DOK3: variants seen among roughly 807,000 people sequenced by gnomAD.
DOK3 encodes the protein Dok-like protein.
DOK3 carries 23 observed loss-of-function variants against 26.2 expected under a neutral mutation model. The ratio of observed to expected loss-of-function variants is 0.88; its 90% confidence interval spans 0.63 to 1.24. The LOEUF (loss-of-function observed/expected upper bound fraction) is 1.24. Among genes scored for constraint, DOK3 ranks in the 50% most tolerant of loss-of-function variants. The pLI is 0.00. For missense variants in DOK3, 619 were observed against 610.6 expected (o/e 1.01, Z -0.15); for synonymous variants, 268 against 268.2 (o/e 1.00, Z 0.01).
chr5:177,508,576 G>A, intron 2 of DOK3, 34 bp from the exon 3 acceptor site: 1 of 1,482,476 alleles, frequency 6.7e-7, no homozygotes, highest in Non-Finnish European at 9.1e-7. Flanking sequence ...GAAGACCCTT[G>A]GGTGGCAGAT....
At position 177,502,980 on chromosome 5, in the gene DOK3, G is replaced by A; in HGVS notation, c.*1003C>T. 3 of 1,362,520 alleles carry A rather than the reference G, an allele frequency of 2.2e-6. No individual in the cohort carries two copies. The highest frequency in any genetic ancestry group is 2.4e-5 in the Admixed American group (1 of 41,562). 84.4% of individuals were successfully genotyped at this position (1,362,520 alleles called of 1,614,324 possible). A position where few individuals can be genotyped will look rare whatever the true frequency, so the allele number is the denominator to read the frequency against. On this transcript the variant is annotated 3_prime_UTR_variant, in exon 6 of 6. Transcript: ENST00000510898. ...AAAGGAAGTGAGCTGGAAGGAGGTG[G>A]CGGCCAGAGGATGAGGCTTGGACAG... is the stretch of plus-strand genomic sequence containing the variant.
rs749953782 is a variant in DOK3, at chr5:177,504,211, G to A, written c.1095C>T (p.Pro365=). 17 of 1,612,516 alleles carry A rather than the reference G, an allele frequency of 1.1e-5. No individual in the cohort carries two copies. The highest frequency in any genetic ancestry group is 4.0e-5 in the African/African-American group (3 of 74,916). The change falls in exon 6 of 6, where the codon CCC becomes CCT. Residue 365 remains proline (P), a synonymous_variant. Transcript: ENST00000510898. ...GACTGGTTGTGGGGCTGCGGCTGCCGGGGCCCTCGTGCGGCTCAGGTTCCC... is the reference window on the plus strand; with the variant it reads ...GACTGGTTGTGGGGCTGCGGCTGCCAGGGCCCTCGTGCGGCTCAGGTTCCC... The part of the protein sequence containing the change: ...HGGEPEPHEG[P]GSRSPTTSPI...
intron 2 of DOK3, 110 bp from the exon 3 acceptor site, chr5:177,508,652 C>T (rs1325916439): frequency 4.8e-6 from 6 of 1,262,780 alleles, no homozygotes; most frequent in African/African-American, 1.5e-5. Context: ...CGGGCCTCTG[C>T]TCCCCAGTTT....
upstream of DOK3, chr5:177,510,181 G>A: frequency 2.1e-6 from 1 of 481,384 alleles, no homozygotes; most frequent in South Asian, 2.7e-5. Context: ...TGCAGCCCAG[G>A]CTCCTCAGCC....
rs891755755 is a variant in DOK3, at chr5:177,502,268, A to G, written c.*1715T>C. ...GGAGAATGGGGGTGAGAAAGTGGAA[A>G]TGAAAGTAATCAACAACTCTTTTGA... On this transcript the variant is annotated 3_prime_UTR_variant, in exon 6 of 6. Coordinates refer to ENST00000510898, the MANE Select transcript of DOK3 (RefSeq NM_001308236.3). The G allele has an allele frequency of 6.6e-6, 1 of 152,298 alleles. No homozygotes were observed. The highest frequency in any genetic ancestry group is 6.5e-5 in the Admixed American group (1 of 15,280). The allele number at this position is 152,298 out of a possible 1,614,324, so 9.4% of individuals were successfully genotyped here. A position where few individuals can be genotyped will look rare whatever the true frequency, so the allele number is the denominator to read the frequency against.
At chr5:177,505,392 G>C (rs1413623455) in intron 3 of DOK3, among the ~76,000 whole-genome samples, 1 of 152,126 alleles carries the variant, frequency 6.6e-6, no homozygotes, top group Non-Finnish European at 1.5e-5. Flanking sequence ...GCAGCCCCTG[G>C]GCTTGGCTGG....
At chr5:177,508,644 G>T in intron 2 of DOK3, 102 bp from the exon 3 acceptor site, 1 of 1,304,974 alleles carries the variant, frequency 7.7e-7, no homozygotes. Context: ...GCCAGGAGCG[G>T]GCCTCTGCTC....
upstream of DOK3, chr5:177,510,030 C>A: frequency 2.5e-6 from 2 of 799,072 alleles, no homozygotes; most frequent in Admixed American, 4.7e-5. Flanking sequence ...AAATCTCTCT[C>A]GTGTTCACCT....
At chr5:177,510,291 T>G, upstream of DOK3, 11 of 215,802 alleles carry the variant, frequency 5.1e-5, no homozygotes, top group East Asian at 2.4e-4. Flanking sequence ...TGGCCACCTC[T>G]TCCTCCTGGA....
chr5:177,505,952 A>G (rs1254519012), intron 3 of DOK3, among the ~76,000 whole-genome samples: 2 of 150,150 alleles, frequency 1.3e-5, no homozygotes, highest in Non-Finnish European at 3.0e-5. Context: ...GTTAGCCAGG[A>G]TGATCTCGAT....
At chr5:177,507,350 C>T (rs192004682) in intron 3 of DOK3, among the ~76,000 whole-genome samples, 1 of 152,252 alleles carries the variant, frequency 6.6e-6, no homozygotes, top group African/African-American at 2.4e-5. Flanking sequence ...AGTATTCCAT[C>T]TTGCGGACGG....
Position 177,504,225 on chromosome 5 carries a change from G to T in DOK3, c.1081C>A (p.Pro361Thr), listed in dbSNP as rs1759707860. 5 of 1,612,114 alleles carry T rather than the reference G, an allele frequency of 3.1e-6. No homozygotes were observed. Among genetic ancestry groups the T allele is most frequent in the Non-Finnish European group, 4.2e-6 (5 of 1,179,238 alleles). Residue 361 changes from proline (P) to threonine (T), a missense_variant, in exon 6 of 6, where the codon CCG (proline) becomes ACG (threonine). Coordinates refer to ENST00000510898, the MANE Select transcript of DOK3 (RefSeq NM_001308236.3). ...SPTLHGGEPE[P>T]HEGPGSRSPT... Reference sequence around the variant, plus strand: ...CTGCGGCTGCCGGGGCCCTCGTGCGGCTCAGGTTCCCCACCGTGCAGCGTG... The same window carrying T: ...CTGCGGCTGCCGGGGCCCTCGTGCGTCTCAGGTTCCCCACCGTGCAGCGTG...
chr5:177,509,243 C>T, intron 2 of DOK3: 1 of 516,928 alleles, frequency 1.9e-6, no homozygotes, highest in Non-Finnish European at 3.4e-6. Context: ...TCTCCCACTC[C>T]TGTATTTCCC....
Position 177,508,365 on chromosome 5 carries a change from G to T in DOK3, c.244C>A (p.Pro82Thr). The T allele has an allele frequency of 6.2e-7, 1 of 1,601,748 alleles. No homozygotes were observed. ...CGGGGGCAGCTCTCGCCGTCAGCCG[G>T]CAGCACGGACACACAGTCAGCCAGG... ...IRLADCVSVL[P>T]ADGESCPRDT... The change falls in exon 3 of 6, where the codon CCG becomes ACG. Residue 82 changes from proline (P) to threonine (T), a missense_variant. Transcript: ENST00000510898.
upstream of DOK3, chr5:177,510,232 C>A (rs544875660): frequency 1.9e-5 from 6 of 315,470 alleles, no homozygotes; most frequent in South Asian, 1.9e-4. Flanking sequence ...GCATCTCCCC[C>A]AGGCCAGCCC....
intron 2 of DOK3, 74 bp downstream of exon 2, chr5:177,509,401 G>A (rs937364328): frequency 2.5e-5 from 39 of 1,539,242 alleles, no homozygotes; most frequent in African/African-American, 4.1e-5. Flanking sequence ...TGGGCTGTCC[G>A]AGGCAGGGGC....
chr5:177,503,006 G>T lies in DOK3; in HGVS notation c.*977C>A, dbSNP rs1390806799. 21 of 1,482,194 alleles carry T rather than the reference G, an allele frequency of 1.4e-5. No homozygotes were observed. In the African/African-American group the frequency reaches 2.1e-4, roughly 15 times the overall value. 91.8% of individuals were successfully genotyped at this position (1,482,194 alleles called of 1,614,324 possible). A position where few individuals can be genotyped will look rare whatever the true frequency, so the allele number is the denominator to read the frequency against. ...CGGCCAGAGGATGAGGCTTGGACAG[G>T]AGAGAGCAAAAATTGTGTGTCCGTC... is the stretch of plus-strand genomic sequence containing the variant. On this transcript the variant is annotated 3_prime_UTR_variant, in exon 6 of 6. Transcript: ENST00000510898.
At position 177,508,546 on chromosome 5, in the gene DOK3, C is replaced by A. The variant is rs61749658; in HGVS notation, c.67-4G>T. On this transcript the variant is annotated splice_region_variant and splice_polypyrimidine_tract_variant and intron_variant, in intron 2 of 5. Coordinates refer to ENST00000510898, the MANE Select transcript of DOK3 (RefSeq NM_001308236.3). ...CCCACACCTTCCGCCAGCACTTCTG[C>A]GGGAGGGGAGCGGGAGGGTGAAGAC... The A allele has an allele frequency of 1.3e-6, 2 of 1,530,462 alleles. No individual in the cohort carries two copies. The highest frequency in any genetic ancestry group is 4.8e-5 in the East Asian group (2 of 41,704). The allele number at this position is 1,530,462 out of a possible 1,614,324, so 94.8% of individuals were successfully genotyped here.
chr5:177,504,677 C>G lies in DOK3; in HGVS notation c.646-17G>C. 6.2e-7 allele frequency: 1 copy of G among 1,613,458 alleles called. No homozygotes were observed. The highest frequency in any genetic ancestry group is 8.5e-7 in the Non-Finnish European group (1 of 1,179,868). On this transcript the variant is annotated splice_polypyrimidine_tract_variant and intron_variant, in intron 5 of 5. Transcript: ENST00000510898. ...GAACACGCCCTGGGCACAGGGCACACGGGTGGGGATTAGCAGGAGGGTCCA... is the reference window on the plus strand; with the variant it reads ...GAACACGCCCTGGGCACAGGGCACAGGGGTGGGGATTAGCAGGAGGGTCCA...
Sources: allele counts gnomAD v4.1 joint callset (sites outside exome capture counted in the v4.1 genomes callset), GRCh38; gene constraint gnomAD v4.1.1; transcripts MANE v1.5; gene names NCBI Gene and HGNC (gene_info 2026-07-23, HGNC 2026-07-21).